Variants in MTMR12 observed in about 807,000 individuals in gnomAD.
The protein encoded by MTMR12 is myotubularin related protein 12.
Under a neutral mutation model 96.7 loss-of-function variants are expected in MTMR12, and 33 were observed. The observed-to-expected ratio is 0.34, with a 90% CI of 0.26 to 0.46. The LOEUF (loss-of-function observed/expected upper bound fraction) is 0.46, where lower values mean the gene tolerates loss of function less well. Among genes scored for constraint, MTMR12 ranks in the 20% least tolerant of loss-of-function variants. The probability of loss-of-function intolerance (pLI) is 1.00; values close to 1 mark genes in which losing one functional copy is unlikely to be tolerated. For missense variants in MTMR12, 721 were observed against 896.1 expected, an observed-to-expected ratio of 0.80 and a Z score of 2.49; for synonymous variants, 298 against 327.2, an observed-to-expected ratio of 0.91 and a Z score of 0.96.
chr5:32,251,657 G>C (rs893338866), intron 8 of MTMR12, among the ~76,000 whole-genome samples: 1 of 152,198 alleles, frequency 6.6e-6, no homozygotes, highest in Non-Finnish European at 1.5e-5. Flanking sequence ...GACTACGAAG[G>C]AAGTGCCTCA....
intron 13 of MTMR12, among the ~76,000 whole-genome samples, chr5:32,236,634 G>C (rs968012225): frequency 2.6e-5 from 4 of 151,936 alleles, no homozygotes; most frequent in Admixed American, 6.6e-5. Flanking sequence ...CTGAGGTCAA[G>C]AGTTCGATAC....
At position 32,239,003 on chromosome 5, in the gene MTMR12, C is replaced by T. The variant is rs1220915757; in HGVS notation, c.1342G>A (p.Glu448Lys). The change falls in exon 13 of 16, where the codon GAG becomes AAG. Residue 448 changes from glutamate (E) to lysine (K), a missense_variant and splice_region_variant. Coordinates refer to ENST00000382142, the MANE Select transcript of MTMR12 (RefSeq NM_001040446.3). ...CAGTCTGCAGTGAGGGAACTCACCT[C>T]CTCTTTGTCGTTCTGGCGGAGATGG... ...CNHLRQNDKEEVPVFLLFLDC... is the reference protein window; with the variant it reads ...CNHLRQNDKEKVPVFLLFLDC... 1 of 1,589,738 alleles carries T rather than the reference C, an allele frequency of 6.3e-7. No homozygotes were observed. Among genetic ancestry groups the T allele is most frequent in the Non-Finnish European group, 8.6e-7 (1 of 1,165,398 alleles).
intron 7 of MTMR12, among the ~76,000 whole-genome samples, chr5:32,258,801 G>A (rs991604007): frequency 1.7e-4 from 25 of 151,408 alleles, no homozygotes; most frequent in African/African-American, 6.1e-4. Context: ...CTGGACTGGG[G>A]CCCCATGGTT....
intron 1 of MTMR12, among the ~76,000 whole-genome samples, chr5:32,308,943 G>C (rs932075276): frequency 1.3e-5 from 2 of 152,180 alleles, no homozygotes; most frequent in African/African-American, 4.8e-5. Flanking sequence ...ATTTAGGACA[G>C]AGCCTTATCC....
rs1208763703 is a variant in MTMR12 at position 32,296,216 on chromosome 5, G to A, written c.81+16542C>T. 6.5e-5 allele frequency: 10 copies of A among 154,574 alleles called. No individual in the cohort carries two copies. The East Asian group carries it at 1.3e-3, about 21-fold the overall frequency. The allele number at this position is 154,574 out of a possible 1,614,324, so 9.6% of individuals were successfully genotyped here. Reference sequence around the variant, plus strand: ...ATTGAGGTCAGACACAGTGGCTAACGTCTGTAATCCCAACACTTTGGGAGG... The same window carrying A: ...ATTGAGGTCAGACACAGTGGCTAACATCTGTAATCCCAACACTTTGGGAGG... On this transcript the variant is annotated intron_variant, in intron 1 of 15. Transcript: ENST00000382142.
intron 7 of MTMR12, among the ~76,000 whole-genome samples, chr5:32,258,247 A>G (rs1749218785): frequency 6.6e-6 from 1 of 152,242 alleles, no homozygotes; most frequent in Non-Finnish European, 1.5e-5. Flanking sequence ...TCAAACCATC[A>G]AAACTGTGAA....
At chr5:32,261,631 T>G (rs1233048098) in intron 7 of MTMR12, among the ~76,000 whole-genome samples, 1 of 152,232 alleles carries the variant, frequency 6.6e-6, no homozygotes, top group African/African-American at 2.4e-5. Context: ...TACCATCATC[T>G]TCCTCCCTCC....
intron 7 of MTMR12, among the ~76,000 whole-genome samples, chr5:32,256,685 G>A (rs1178858308): frequency 6.6e-6 from 1 of 152,160 alleles, no homozygotes; most frequent in Non-Finnish European, 1.5e-5. Flanking sequence ...AGCCTCACAA[G>A]AAATAAGGTG....
chr5:32,271,006 C>T (rs921149630), intron 4 of MTMR12, 59 bp from the exon 5 acceptor site: 249 of 1,524,652 alleles, frequency 1.6e-4, no homozygotes, highest in Non-Finnish European at 2.1e-4. Flanking sequence ...TAAGTGAATG[C>T]TAAAGAAATG....
chr5:32,244,784 T>C (rs1368621666), intron 10 of MTMR12, among the ~76,000 whole-genome samples: 1 of 152,244 alleles, frequency 6.6e-6, no homozygotes, highest in African/African-American at 2.4e-5. Flanking sequence ...CTTGGTGTTA[T>C]ATTTCTCTTT....
In MTMR12 at chr5:32,228,669, CAAG is replaced by C. The variant is rs943229662; in HGVS notation, c.*1106_*1108del. 6.9e-6 allele frequency: 1 copy of C among 144,228 alleles called. No individual in the cohort carries two copies. Among genetic ancestry groups the C allele is most frequent in the Non-Finnish European group, 1.5e-5 (1 of 66,446 alleles). 8.9% of individuals were successfully genotyped at this position (144,228 alleles called of 1,614,324 possible). A position where few individuals can be genotyped will look rare whatever the true frequency, so the allele number is the denominator to read the frequency against. ...ATATATATCATTTAGACAGCAGATCCAAGAAGGTGACCAGGCATAGTCAAGTTT... is the reference window on the plus strand; with the variant it reads ...ATATATATCATTTAGACAGCAGATCCAAGGTGACCAGGCATAGTCAAGTTT... On this transcript the variant is annotated 3_prime_UTR_variant, in exon 16 of 16. Coordinates refer to ENST00000382142, the MANE Select transcript of MTMR12 (RefSeq NM_001040446.3).
At chr5:32,262,011 A>G (rs991937449) in intron 7 of MTMR12, among the ~76,000 whole-genome samples, 2 of 152,068 alleles carry the variant, frequency 1.3e-5, no homozygotes, top group Non-Finnish European at 2.9e-5. Context: ...GGCGGAGCTT[A>G]CAGTGGACCG....
intron 1 of MTMR12, among the ~76,000 whole-genome samples, chr5:32,281,729 G>C (rs943168933): frequency 1.2e-4 from 18 of 151,870 alleles, no homozygotes; most frequent in African/African-American, 4.4e-4. Flanking sequence ...CTGAAACCCC[G>C]TCTCTACTGA....
intron 2 of MTMR12, among the ~76,000 whole-genome samples, chr5:32,276,034 A>G (rs1750038447): frequency 3.3e-5 from 5 of 152,234 alleles, no homozygotes; most frequent in Admixed American, 3.3e-4. Flanking sequence ...GAAAGTAGAA[A>G]AAGAATTAAA....
intron 1 of MTMR12, among the ~76,000 whole-genome samples, chr5:32,292,678 G>C (rs2112134348): frequency 6.6e-6 from 1 of 152,294 alleles, no homozygotes; most frequent in African/African-American, 2.4e-5. Context: ...AGGTCAATGG[G>C]AAACGACAAC....
chr5:32,274,644 A>C lies in MTMR12; in HGVS notation c.143-522T>G, dbSNP rs544419684. Among the ~76,000 whole-genome samples, 11 of 152,344 alleles carry C rather than the reference A, an allele frequency of 7.2e-5. No individual in the cohort carries two copies. The South Asian group carries it at 2.3e-3, about 32-fold the overall frequency. On this transcript the variant is annotated intron_variant, in intron 2 of 15. Coordinates refer to ENST00000382142, the MANE Select transcript of MTMR12 (RefSeq NM_001040446.3). ...GCCATGGGACTTCCAGGCAGCTTCC[A>C]TAGATCCAGGAGGTGTTGCCGCCTT... is the stretch of plus-strand genomic sequence containing the variant.
intron 9 of MTMR12, 21 bp from the exon 10 acceptor site, chr5:32,248,147 T>C (rs1581599647): frequency 6.2e-7 from 1 of 1,610,914 alleles, no homozygotes; most frequent in Non-Finnish European, 8.5e-7. Context: ...AAAAGGAATA[T>C]GAGATTAGAA....
intron 1 of MTMR12, among the ~76,000 whole-genome samples, chr5:32,306,104 T>C (rs930065573): frequency 1.3e-5 from 2 of 152,170 alleles, no homozygotes; most frequent in African/African-American, 2.4e-5. Context: ...GGAAGTACTC[T>C]AGTGTACAAA....
chr5:32,288,996 C>A, intron 1 of MTMR12, among the ~76,000 whole-genome samples: 1 of 151,870 alleles, frequency 6.6e-6, no homozygotes, highest in Non-Finnish European at 1.5e-5. Flanking sequence ...TTGCTTGTCT[C>A]TGTATGTCAA....
Sources: allele counts gnomAD v4.1 joint callset (sites outside exome capture counted in the v4.1 genomes callset), GRCh38; gene constraint gnomAD v4.1.1; transcripts MANE v1.5; gene names NCBI Gene and HGNC (gene_info 2026-07-23, HGNC 2026-07-21).